The following NEO1 variants were observed in gnomAD, a reference collection of about 807,000 sequenced individuals.
The protein encoded by NEO1 is neogenin 1.
A neutral mutation model predicts 159.7 loss-of-function variants in NEO1; 63 were observed. The ratio of observed to expected loss-of-function variants is 0.39; its 90% CI spans 0.32 to 0.49. The LOEUF (loss-of-function observed/expected upper bound fraction) is 0.49. Among genes scored for constraint, NEO1 ranks in the 20% least tolerant of loss-of-function variants. The probability of loss-of-function intolerance (pLI) is 0.85; values close to 1 mark genes in which losing one functional copy is unlikely to be tolerated. For missense variants in NEO1, 1,615 were observed against 1,831.0 expected (o/e 0.88, Z 2.15); for synonymous variants, 633 against 662.0 (o/e 0.96, Z 0.67).
At chr15:73,187,131 ATTATTT>A (rs1567425923) in intron 7 of NEO1, among the ~76,000 whole-genome samples, 1 of 152,234 alleles carries the variant, frequency 6.6e-6, no homozygotes, top group Admixed American at 6.5e-5. Context: ...TACTTTCAAT[ATTATTT>A]TTAAACAAGA....
intron 1 of NEO1, among the ~76,000 whole-genome samples, chr15:73,112,791 G>T (rs765452372): frequency 3.3e-5 from 5 of 152,096 alleles, no homozygotes; most frequent in Non-Finnish European, 5.9e-5. Flanking sequence ...TACCTGTTTT[G>T]TAAGATGATA....
intron 11 of NEO1, among the ~76,000 whole-genome samples, chr15:73,252,226 A>G (rs977641457): frequency 1.3e-5 from 2 of 152,198 alleles, no homozygotes; most frequent in African/African-American, 4.8e-5. Context: ...GAGACAGAAA[A>G]AGAGAAGTTT....
intron 16 of NEO1, among the ~76,000 whole-genome samples, chr15:73,267,124 G>A (rs9972523): frequency 0.42 from 64,185 of 151,912 alleles, 14,992 homozygotes; most frequent in Admixed American, 0.52. Context: ...CAGGCGTGGT[G>A]CTGGGCGCCT....
intron 7 of NEO1, among the ~76,000 whole-genome samples, chr15:73,195,638 T>G (rs1399589268): frequency 6.6e-6 from 1 of 152,174 alleles, no homozygotes; most frequent in East Asian, 1.9e-4. Flanking sequence ...AAAACCTTTA[T>G]TTACCACCAG....
At chr15:73,291,093 A>G (rs2042148366) in intron 25 of NEO1, among the ~76,000 whole-genome samples, 1 of 152,210 alleles carries the variant, frequency 6.6e-6, no homozygotes, top group South Asian at 2.1e-4. Flanking sequence ...GGGGAAAACC[A>G]TGGTTTCCCT....
intron 5 of NEO1, among the ~76,000 whole-genome samples, chr15:73,169,794 G>A (rs1352932810): frequency 6.6e-6 from 1 of 151,768 alleles, no homozygotes; most frequent in Non-Finnish European, 1.5e-5. Flanking sequence ...GTAGTTAAGA[G>A]TATAGGCTTT....
chr15:73,090,600 G>A (rs964936798), intron 1 of NEO1, among the ~76,000 whole-genome samples: 2 of 152,132 alleles, frequency 1.3e-5, no homozygotes, highest in African/African-American at 4.8e-5. Flanking sequence ...TAACCAGAGA[G>A]CATTAATAAA....
chr15:73,205,520 C>A (rs2037160560), intron 7 of NEO1, among the ~76,000 whole-genome samples: 1 of 152,180 alleles, frequency 6.6e-6, no homozygotes, highest in African/African-American at 2.4e-5. Context: ...TGGTAAAATT[C>A]CTGGAGGGAA....
intron 5 of NEO1, among the ~76,000 whole-genome samples, chr15:73,137,426 A>G (rs1395706040): frequency 1.3e-5 from 2 of 152,134 alleles, no homozygotes; most frequent in African/African-American, 4.8e-5. Flanking sequence ...AAGGTATCCC[A>G]TTTTTAAATT....
intron 4 of NEO1, among the ~76,000 whole-genome samples, chr15:73,134,654 G>A (rs899379265): frequency 1.3e-5 from 2 of 151,628 alleles, no homozygotes; most frequent in South Asian, 2.1e-4. Flanking sequence ...GGGTTCAAGC[G>A]ATTCTCCTGC....
At chr15:73,187,703 A>G (rs1211838547) in intron 7 of NEO1, among the ~76,000 whole-genome samples, 1 of 152,206 alleles carries the variant, frequency 6.6e-6, no homozygotes, top group Admixed American at 6.5e-5. Context: ...AAAAGCAGGA[A>G]GTACACTGGA....
chr15:73,186,971 G>T (rs948083325), intron 7 of NEO1, among the ~76,000 whole-genome samples: 1 of 152,108 alleles, frequency 6.6e-6, no homozygotes, highest in African/African-American at 2.4e-5. Context: ...GCTTACTCTG[G>T]TCTAACACAG....
At chr15:73,294,535 C>A (rs2042280998) in intron 26 of NEO1, among the ~76,000 whole-genome samples, 1 of 151,866 alleles carries the variant, frequency 6.6e-6, no homozygotes. Context: ...TTTTGTTTTT[C>A]TTTGGTTTCT....
intron 21 of NEO1, among the ~76,000 whole-genome samples, chr15:73,276,490 G>A (rs140403984): frequency 1.1e-3 from 169 of 152,330 alleles, no homozygotes; most frequent in African/African-American, 3.7e-3. Flanking sequence ...AATCTATGGT[G>A]TGTGTCACTT....
At chr15:73,285,772 G>A (rs924173553) in intron 23 of NEO1, among the ~76,000 whole-genome samples, 1 of 152,060 alleles carries the variant, frequency 6.6e-6, no homozygotes, top group African/African-American at 2.4e-5. Flanking sequence ...TCTCCTTCAT[G>A]AAGAAGGCAG....
intron 11 of NEO1, among the ~76,000 whole-genome samples, chr15:73,252,850 C>T (rs2040147908): frequency 1.3e-5 from 2 of 151,984 alleles, no homozygotes; most frequent in South Asian, 2.1e-4. Context: ...ATTAGCCGGG[C>T]GTGGTAGCAG....
chr15:73,207,830 A>G (rs1331503437), intron 7 of NEO1, among the ~76,000 whole-genome samples: 1 of 152,160 alleles, frequency 6.6e-6, no homozygotes, highest in Non-Finnish European at 1.5e-5. Flanking sequence ...AAATATTTGC[A>G]TGGATTTTAT....
chr15:73,073,948 A>C (rs1301968041), intron 1 of NEO1, among the ~76,000 whole-genome samples: 2 of 152,214 alleles, frequency 1.3e-5, no homozygotes, highest in African/African-American at 4.8e-5. Context: ...CTAGAATCTT[A>C]AATGAAAAAT....
At chr15:73,123,449 G>A (rs1272445733) in intron 3 of NEO1, among the ~76,000 whole-genome samples, 2 of 152,158 alleles carry the variant, frequency 1.3e-5, no homozygotes, top group East Asian at 3.9e-4. Context: ...ATCCAGGCTA[G>A]TTCGTATAAG....
Sources: gnomAD v4.1 joint callset for allele counts (sites outside exome capture counted in the v4.1 genomes callset) on GRCh38, gnomAD v4.1.1 for gene constraint, MANE v1.5 for transcripts, NCBI Gene and HGNC (gene_info 2026-07-23, HGNC 2026-07-21) for gene names.